Variants in PCDH15 observed in about 807,000 individuals in gnomAD.
PCDH15 encodes protocadherin related 15, also known as protocadherin-15.
In PCDH15, 129 loss-of-function variants were observed where a neutral mutation model predicts 178.5. That is an observed-to-expected ratio of 0.72 (90% CI 0.63 to 0.84). PCDH15 has a LOEUF of 0.84. Among genes scored for constraint, PCDH15 ranks in the 40% least tolerant of loss-of-function variants. PCDH15 has a pLI of 0.00. For missense variants in PCDH15, 2,230 were observed against 2,099.9 expected (o/e 1.06, Z -1.21); for synonymous variants, 800 against 732.0 (o/e 1.09, Z -1.50).
intron 21 of PCDH15, among the ~76,000 whole-genome samples, chr10:53,981,888 C>T (rs933672181): frequency 1.3e-5 from 2 of 150,036 alleles, no homozygotes; most frequent in East Asian, 2.0e-4. Context: ...AGGCAACCTA[C>T]AAAATGGGAG....
In PCDH15 at chr10:54,007,985, C is replaced by T. The variant is rs529129314; in HGVS notation, c.2751+12207G>A. Among the ~76,000 whole-genome samples the T allele has an allele frequency of 3.3e-5, 5 of 152,194 alleles. No homozygotes were observed. In the South Asian group the frequency reaches 8.3e-4, roughly 25 times the overall value. ...TTGTAGAGAACTGAGAATTGTACTCCATTCTTCTCTTAAAAAAAGGATAAT... is the reference window on the plus strand; with the variant it reads ...TTGTAGAGAACTGAGAATTGTACTCTATTCTTCTCTTAAAAAAAGGATAAT... On this transcript the variant is annotated intron_variant, in intron 20 of 37. Coordinates refer to ENST00000644397, the MANE Select transcript of PCDH15 (RefSeq NM_001384140.1).
At chr10:54,454,944 A>C (rs1460343503) in intron 3 of PCDH15, among the ~76,000 whole-genome samples, 2 of 152,064 alleles carry the variant, frequency 1.3e-5, no homozygotes, top group Non-Finnish European at 2.9e-5. Flanking sequence ...TGTGGGAGGG[A>C]TCCAGTGCGA....
intron 2 of PCDH15, among the ~76,000 whole-genome samples, chr10:55,037,423 A>G (rs1322336597): frequency 1.3e-5 from 2 of 152,020 alleles, no homozygotes; most frequent in Non-Finnish European, 2.9e-5. Flanking sequence ...TAGGAGAGAC[A>G]GGGTTTCACC....
chr10:55,006,284 C>G (rs1237404123), intron 2 of PCDH15, among the ~76,000 whole-genome samples: 3 of 152,070 alleles, frequency 2.0e-5, no homozygotes, highest in Non-Finnish European at 4.4e-5. Context: ...CCAACCCCAG[C>G]CTTCGGTTAC....
intron 15 of PCDH15, among the ~76,000 whole-genome samples, chr10:54,110,371 G>A (rs531342557): frequency 6.7e-5 from 10 of 150,316 alleles, no homozygotes; most frequent in African/African-American, 2.2e-4. Context: ...TGGAATTGAA[G>A]TTTTAGTGTG....
At chr10:54,439,203 T>A (rs558021944) in intron 3 of PCDH15, among the ~76,000 whole-genome samples, 54 of 152,134 alleles carry the variant, frequency 3.5e-4, no homozygotes, top group Non-Finnish European at 7.4e-4. Context: ...TAAATATGTA[T>A]AAGGATTCAG....
intron 2 of PCDH15, among the ~76,000 whole-genome samples, chr10:54,904,470 T>TA (rs34736570): frequency 1.9e-4 from 28 of 149,602 alleles, no homozygotes; most frequent in Non-Finnish European, 3.1e-4. Flanking sequence ...ATATGATGAT[T>TA]AAAAAAAAAA....
At chr10:54,595,880 T>C (rs1294696705) in intron 2 of PCDH15, among the ~76,000 whole-genome samples, 1 of 152,022 alleles carries the variant, frequency 6.6e-6, no homozygotes, top group Non-Finnish European at 1.5e-5. Flanking sequence ...GCTCAAAGAC[T>C]GTTTTTCTTA....
intron 2 of PCDH15, among the ~76,000 whole-genome samples, chr10:55,129,249 A>G (rs1027649265): frequency 1.1e-4 from 16 of 152,094 alleles, no homozygotes; most frequent in African/African-American, 3.9e-4. Context: ...AGATTTGCAG[A>G]GAAGCAAGAG....
At chr10:55,285,393 A>T (rs962282309) in intron 1 of PCDH15, among the ~76,000 whole-genome samples, 1 of 151,454 alleles carries the variant, frequency 6.6e-6, no homozygotes, top group Non-Finnish European at 1.5e-5. Flanking sequence ...TATTATTATG[A>T]TTTGTCCAAA....
intron 3 of PCDH15, among the ~76,000 whole-genome samples, chr10:54,515,648 G>A (rs190911184): frequency 3.7e-4 from 56 of 152,310 alleles, no homozygotes; most frequent in African/African-American, 1.1e-3. Flanking sequence ...CTCCCAGCAC[G>A]CAGCTGGAGA....
At chr10:55,392,038 A>C (rs1200994285) in intron 2 of PCDH15, among the ~76,000 whole-genome samples, 1 of 152,214 alleles carries the variant, frequency 6.6e-6, no homozygotes, top group Non-Finnish European at 1.5e-5. Flanking sequence ...AGAGGGAATT[A>C]AGAGACCTCG....
intron 20 of PCDH15, among the ~76,000 whole-genome samples, chr10:53,998,157 G>A (rs1285131685): frequency 6.6e-6 from 1 of 151,990 alleles, no homozygotes; most frequent in African/African-American, 2.4e-5. Flanking sequence ...TCCACTAGAG[G>A]GTAGTATTAG....
At chr10:54,896,104 C>T (rs1441696214) in intron 3 of PCDH15, among the ~76,000 whole-genome samples, 8 of 152,072 alleles carry the variant, frequency 5.3e-5, no homozygotes, top group Non-Finnish European at 1.2e-4. Flanking sequence ...CCAGGCTGGT[C>T]TCGAACTCCT....
intron 2 of PCDH15, among the ~76,000 whole-genome samples, chr10:55,569,225 T>C (rs1842360466): frequency 6.6e-6 from 1 of 152,044 alleles, no homozygotes; most frequent in South Asian, 2.1e-4. Context: ...AGTATATGGT[T>C]TATGGACCAT....
chr10:53,811,643 C>G, intron 35 of PCDH15, 24 bp from the exon 36 acceptor site: 1 of 1,475,716 alleles, frequency 6.8e-7, no homozygotes, highest in Non-Finnish European at 9.1e-7. Flanking sequence ...AGAAAAATTG[C>G]ATTTGAAAAC....
chr10:54,547,578 T>C (rs2086004269), intron 2 of PCDH15, among the ~76,000 whole-genome samples: 1 of 152,160 alleles, frequency 6.6e-6, no homozygotes, highest in African/African-American at 2.4e-5. Flanking sequence ...TCTGCATTAT[T>C]ATGTTTTTAG....
intron 1 of PCDH15, among the ~76,000 whole-genome samples, chr10:55,292,961 C>T (rs772766855): frequency 6.6e-6 from 1 of 152,172 alleles, no homozygotes; most frequent in Non-Finnish European, 1.5e-5. Context: ...CCAGTAGGGA[C>T]TCTGTGTGGG....
chr10:54,495,126 G>C (rs1272186295), intron 3 of PCDH15, among the ~76,000 whole-genome samples: 1 of 152,102 alleles, frequency 6.6e-6, no homozygotes, highest in African/African-American at 2.4e-5. Context: ...AGAATCAGGT[G>C]GTGTGGGGGG....
Sources: allele counts gnomAD v4.1 joint callset (sites outside exome capture counted in the v4.1 genomes callset), GRCh38; gene constraint gnomAD v4.1.1; transcripts MANE v1.5; gene names NCBI Gene and HGNC (gene_info 2026-07-23, HGNC 2026-07-21).